Variants in AFTPH observed in about 807,000 individuals in gnomAD.
The protein encoded by AFTPH is aftiphilin.
In AFTPH, 7 loss-of-function variants were observed where a neutral mutation model predicts 72.5. That is an observed-to-expected ratio of 0.10 (90% CI 0.05 to 0.18). The LOEUF is 0.18. AFTPH is among the 10% of genes least tolerant of loss of function. The pLI, the probability that AFTPH is intolerant of heterozygous loss-of-function variation, is 1.00. For synonymous variants in AFTPH, 337 were observed against 370.1 expected, an observed-to-expected ratio of 0.91 and a Z score of 1.03; for missense variants, 979 against 1,060.5, an observed-to-expected ratio of 0.92 and a Z score of 1.07.
chr2:64,532,309 AG>A (rs1451299579), intron 1 of AFTPH, among the ~76,000 whole-genome samples: 1 of 152,130 alleles, frequency 6.6e-6, no homozygotes, highest in African/African-American at 2.4e-5. Flanking sequence ...CTGGAGAGAG[AG>A]GAATGGTTTA....
intron 7 of AFTPH, among the ~76,000 whole-genome samples, chr2:64,583,667 CAT>C (rs1673341044): frequency 6.6e-6 from 1 of 152,158 alleles, no homozygotes. Flanking sequence ...CCTTTACAGA[CAT>C]ATACAATTTT....
intron 6 of AFTPH, 79 bp from the exon 7 acceptor site, chr2:64,579,407 A>G: frequency 1.8e-6 from 2 of 1,137,416 alleles, no homozygotes; most frequent in Non-Finnish European, 2.6e-6. Flanking sequence ...TGGTCTTGCT[A>G]TAATTTTTTT....
At chr2:64,580,938 C>G (rs928379638) in intron 7 of AFTPH, 2 of 255,788 alleles carry the variant, frequency 7.8e-6, no homozygotes, top group African/African-American at 4.5e-5. Flanking sequence ...TAAAACCTTA[C>G]TAAGTGTTAC....
At chr2:64,550,677 G>GCGCACACA (rs777425715) in intron 1 of AFTPH, among the ~76,000 whole-genome samples, 2 of 130,152 alleles carry the variant, frequency 1.5e-5, no homozygotes, top group Non-Finnish European at 3.2e-5. Context: ...CTGTACGCAT[G>GCGCACACA]CACACACACA....
chr2:64,580,264 T>G (rs777470916), intron 7 of AFTPH: 1 of 152,678 alleles, frequency 6.5e-6, no homozygotes, highest in Non-Finnish European at 1.5e-5. Flanking sequence ...CTCTTACTGC[T>G]TGTGCTTAAG....
At chr2:64,592,056 T>C in exon 9 of AFTPH, 1 of 1,604,292 alleles carries the variant, frequency 6.2e-7, no homozygotes, top group South Asian at 1.1e-5. Flanking sequence ...TTGGACAGTT[T>C]CTATTGCTTT....
At chr2:64,538,286 C>G (rs1397998306) in intron 1 of AFTPH, among the ~76,000 whole-genome samples, 1 of 151,898 alleles carries the variant, frequency 6.6e-6, no homozygotes, top group Non-Finnish European at 1.5e-5. Context: ...TTCTTTTATC[C>G]TTTAGCCTTT....
At chr2:64,579,161 A>G (rs770498818) in intron 6 of AFTPH, among the ~76,000 whole-genome samples, 2 of 152,186 alleles carry the variant, frequency 1.3e-5, no homozygotes, top group African/African-American at 2.4e-5. Flanking sequence ...TTTTATTGTA[A>G]TCACATCAAT....
At chr2:64,579,689 C>A in intron 7 of AFTPH, 143 bp downstream of exon 7, 1 of 678,832 alleles carries the variant, frequency 1.5e-6, no homozygotes, top group South Asian at 2.3e-5. Context: ...TCTTTCTGAA[C>A]AGTAATTGCT....
intron 8 of AFTPH, among the ~76,000 whole-genome samples, chr2:64,586,975 A>G (rs949320555): frequency 1.3e-5 from 2 of 152,178 alleles, no homozygotes; most frequent in East Asian, 3.9e-4. Flanking sequence ...GGACAGTTCT[A>G]CTCTTTCCTT....
intron 1 of AFTPH, among the ~76,000 whole-genome samples, chr2:64,540,633 C>T (rs1394588712): frequency 6.6e-6 from 1 of 152,032 alleles, no homozygotes; most frequent in Non-Finnish European, 1.5e-5. Flanking sequence ...TGTTGCAGCT[C>T]ATGTAACTGA....
chr2:64,529,351 A>C lies in AFTPH; in HGVS notation c.-33+4739A>C, dbSNP rs369311500. ...TTCACCATTCCTTCTCTTCCCAATC[A>C]AGTGTGATCTTTTTCTTAGAATCTT... On this transcript the variant is annotated intron_variant, in intron 1 of 8. Coordinates refer to ENST00000238856, the Ensembl canonical transcript of AFTPH. Among the ~76,000 whole-genome samples, 11 of 147,938 alleles carry C rather than the reference A, an allele frequency of 7.4e-5. No homozygotes were observed. In the East Asian group the frequency reaches 1.6e-3, roughly 21 times the overall value.
intron 1 of AFTPH, among the ~76,000 whole-genome samples, chr2:64,540,154 T>G (rs926997656): frequency 2.6e-5 from 4 of 152,168 alleles, no homozygotes; most frequent in Admixed American, 6.6e-5. Flanking sequence ...GATTCTATTT[T>G]CATTGCAGAG....
chr2:64,524,352 A>C (rs1468826197), exon 1 of AFTPH: 1 of 400,882 alleles, frequency 2.5e-6, no homozygotes, highest in Non-Finnish European at 4.4e-6. Context: ...GAGTGTGTGG[A>C]GTGGGCGGGG....
chr2:64,527,279 A>G (rs2103789437), intron 1 of AFTPH, among the ~76,000 whole-genome samples: 1 of 152,164 alleles, frequency 6.6e-6, no homozygotes, highest in East Asian at 1.9e-4. Flanking sequence ...AGTTCTTCAC[A>G]ATGAAATTAA....
intron 1 of AFTPH, among the ~76,000 whole-genome samples, chr2:64,546,862 G>A (rs553003686): frequency 9.2e-5 from 13 of 141,368 alleles, no homozygotes; most frequent in Admixed American, 4.3e-4. Flanking sequence ...GTGAAACCCC[G>A]TCTCTACTAA....
At chr2:64,571,689 G>GTTTTGT (rs1305920298) in intron 5 of AFTPH, among the ~76,000 whole-genome samples, 1 of 152,060 alleles carries the variant, frequency 6.6e-6, no homozygotes, top group Non-Finnish European at 1.5e-5. Context: ...CAGCTTTGAG[G>GTTTTGT]TTTTGTTTTT....
chr2:64,584,195 T>C (rs1442539786), intron 7 of AFTPH, among the ~76,000 whole-genome samples: 1 of 152,122 alleles, frequency 6.6e-6, no homozygotes, highest in Non-Finnish European at 1.5e-5. Flanking sequence ...TTTTTTTTTT[T>C]ACTCTGAATA....
Position 64,531,546 on chromosome 2 carries a change from A to G in AFTPH, c.-33+6934A>G, listed in dbSNP as rs148155066. ...TTAATGCCATGCTCTTTTTAAGTTA[A>G]CCTATTCTGTTAGCAAGCTATTTAA... On this transcript the variant is annotated intron_variant, in intron 1 of 8. Coordinates refer to ENST00000238856, the Ensembl canonical transcript of AFTPH. Among the ~76,000 whole-genome samples, 562 of 152,288 alleles carry G rather than the reference A, an allele frequency of 3.7e-3. 1 individual carries two copies. The highest frequency in any genetic ancestry group is 0.013 in the African/African-American group (535 of 41,540).
Sources: allele counts gnomAD v4.1 joint callset (sites outside exome capture counted in the v4.1 genomes callset), GRCh38; gene constraint gnomAD v4.1.1; transcripts MANE v1.5; gene names NCBI Gene and HGNC (gene_info 2026-07-23, HGNC 2026-07-21).